The following PPARD variants were observed in gnomAD, a reference collection of about 807,000 sequenced individuals.
PPARD encodes peroxisome proliferator activated receptor delta.
PPARD carries 6 observed loss-of-function variants against 39.5 expected under a neutral mutation model. That is an observed-to-expected ratio of 0.15 (90% CI 0.08 to 0.30). The LOEUF (loss-of-function observed/expected upper bound fraction) is 0.30, where lower values mean the gene tolerates loss of function less well. Ranked by LOEUF, PPARD falls within the 10% of genes least tolerant of loss-of-function variation. PPARD has a pLI of 1.00. For missense variants in PPARD, 397 were observed against 596.8 expected (o/e 0.67, Z 3.49); for synonymous variants, 210 against 231.3 (o/e 0.91, Z 0.83).
intron 2 of PPARD, among the ~76,000 whole-genome samples, chr6:35,374,309 G>GGT (rs797006915): frequency 1.6e-5 from 2 of 125,678 alleles, no homozygotes; most frequent in African/African-American, 9.5e-5. Context: ...TCTCGGCGGT[G>GGT]GGGCGGGGGG....
chr6:35,400,126 T>C (rs1459863248), intron 2 of PPARD, among the ~76,000 whole-genome samples: 1 of 152,172 alleles, frequency 6.6e-6, no homozygotes, highest in Non-Finnish European at 1.5e-5. Flanking sequence ...CCTGGGAAGG[T>C]TGAGAAGTCT....
At chr6:35,393,182 T>C (rs1379195341) in intron 2 of PPARD, among the ~76,000 whole-genome samples, 1 of 152,134 alleles carries the variant, frequency 6.6e-6, no homozygotes, top group Non-Finnish European at 1.5e-5. Flanking sequence ...CCCTGGCTCA[T>C]GGCCACCATC....
At chr6:35,371,147 C>T (rs571801387) in intron 2 of PPARD, among the ~76,000 whole-genome samples, 5 of 152,302 alleles carry the variant, frequency 3.3e-5, no homozygotes, top group African/African-American at 1.2e-4. Context: ...ATTACTTCAG[C>T]GGTTGCCAAG....
At chr6:35,362,162 C>T (rs1582301210) in intron 2 of PPARD, among the ~76,000 whole-genome samples, 1 of 151,808 alleles carries the variant, frequency 6.6e-6, no homozygotes, top group African/African-American at 2.4e-5. Flanking sequence ...TTCTGTCTTT[C>T]GAAATGGGAT....
At chr6:35,385,787 C>T (rs1763612576) in intron 2 of PPARD, among the ~76,000 whole-genome samples, 1 of 151,916 alleles carries the variant, frequency 6.6e-6, no homozygotes, top group South Asian at 2.1e-4. Context: ...AGACAGTCAG[C>T]AGGAGAGAGG....
intron 2 of PPARD, among the ~76,000 whole-genome samples, chr6:35,389,897 C>T (rs9658105): frequency 0.02 from 3,017 of 152,242 alleles, 45 homozygotes; most frequent in Non-Finnish European, 0.032. Context: ...TTCTGAAGGG[C>T]CCTGGTGACT....
At chr6:35,404,361 G>A (rs1428690566) in intron 2 of PPARD, among the ~76,000 whole-genome samples, 1 of 152,216 alleles carries the variant, frequency 6.6e-6, no homozygotes, top group African/African-American at 2.4e-5. Context: ...AGCATGGTGT[G>A]TAATAAGTCC....
rs554801751 is a variant in PPARD at position 35,384,991 on chromosome 6, G to T, written c.-101-25996G>T. 5.5e-4 allele frequency among the ~76,000 whole-genome samples: 77 copies of T among 139,526 alleles called. 4 individuals are homozygous for T. Among genetic ancestry groups the T allele is most frequent in the African/African-American group, 2.2e-3 (73 of 33,392 alleles). 91.5% of individuals were successfully genotyped at this position (139,526 alleles called of 152,430 possible). A position where few individuals can be genotyped will look rare whatever the true frequency, so the allele number is the denominator to read the frequency against. ...GGGTCAGCCCCCCGCCGGGCCAGCC[G>T]CCCCGTCCGGGAGGGAGGTGGGAGG... On this transcript the variant is annotated intron_variant, in intron 2 of 7. Transcript: ENST00000360694.
Position 35,427,134 on chromosome 6 carries a change from T to C in PPARD, c.*1055T>C. On this transcript the variant is annotated 3_prime_UTR_variant, in exon 8 of 8. Coordinates refer to ENST00000360694, the MANE Select transcript of PPARD (RefSeq NM_006238.5). ...CCTGCCCAGTAGCAGCCGCCCACAT[T>C]GTGTCAGCATCCAGGGCCAGGGCCT... 1 of 154,280 alleles carries C rather than the reference T, an allele frequency of 6.5e-6. No homozygotes were observed. 9.6% of individuals were successfully genotyped at this position (154,280 alleles called of 1,614,324 possible). A position where few individuals can be genotyped will look rare whatever the true frequency, so the allele number is the denominator to read the frequency against.
intron 2 of PPARD, among the ~76,000 whole-genome samples, chr6:35,397,760 A>G (rs1441560411): frequency 6.6e-6 from 1 of 152,370 alleles, no homozygotes; most frequent in Non-Finnish European, 1.5e-5. Context: ...ACTCTGCCAG[A>G]TAGCCATAAG....
intron 2 of PPARD, chr6:35,348,370 A>C (rs1406342382): frequency 6.1e-6 from 6 of 985,388 alleles, no homozygotes. Context: ...CAGGGGTAGG[A>C]GGTTCTCACC....
intron 2 of PPARD, among the ~76,000 whole-genome samples, chr6:35,405,138 A>T (rs1764950797): frequency 6.6e-6 from 1 of 151,976 alleles, no homozygotes. Flanking sequence ...GCTCACTGCA[A>T]CCTCTGTCTC....
intron 2 of PPARD, among the ~76,000 whole-genome samples, chr6:35,390,136 G>T (rs1367487023): frequency 6.6e-6 from 1 of 152,100 alleles, no homozygotes; most frequent in Non-Finnish European, 1.5e-5. Flanking sequence ...GCCTTCCCTG[G>T]GAGTGCCTTT....
rs201713026 is a variant in PPARD at position 35,425,858 on chromosome 6, C to T, written c.1105C>T (p.Arg369Trp). ...CCGGCCAGGCCTCATGAACGTTCCA[C>T]GGGTGGAGGCTATCCAGGACACCAT... The part of the protein sequence containing the change: ...GDRPGLMNVP[R>W]VEAIQDTILR... The change falls in exon 8 of 8, where the codon CGG (arginine) becomes TGG (tryptophan). Residue 369 changes from arginine (R) to tryptophan (W), a missense_variant. Transcript: ENST00000360694. The surrounding 1 kb of genome is among the most constrained non-coding windows in gnomAD (Gnocchi z 4.5). 1.3e-5 allele frequency: 21 copies of T among 1,613,926 alleles called. No individual in the cohort carries two copies. Among genetic ancestry groups the T allele is most frequent in the African/African-American group, 6.7e-5 (5 of 74,902 alleles).
At chr6:35,385,148 A>T (rs1162545189) in intron 2 of PPARD, among the ~76,000 whole-genome samples, 1 of 145,582 alleles carries the variant, frequency 6.9e-6, no homozygotes, top group Admixed American at 6.7e-5. Flanking sequence ...CCAACAGCTC[A>T]TTGAGAACGG....
intron 2 of PPARD, among the ~76,000 whole-genome samples, chr6:35,390,462 G>A (rs370890014): frequency 1.3e-5 from 2 of 152,158 alleles, no homozygotes; most frequent in South Asian, 4.1e-4. Context: ...GGGTCATAAC[G>A]AAGGCTGGCC....
chr6:35,380,673 G>C (rs372067126), intron 2 of PPARD, among the ~76,000 whole-genome samples: 2 of 151,656 alleles, frequency 1.3e-5, no homozygotes, highest in African/African-American at 4.8e-5. Flanking sequence ...AAATTTTTTC[G>C]TAGAGATTGG....
intron 2 of PPARD, among the ~76,000 whole-genome samples, chr6:35,347,625 T>TTGTGAGCAA (rs1760947677): frequency 6.6e-6 from 1 of 152,058 alleles, no homozygotes; most frequent in Non-Finnish European, 1.5e-5. Context: ...TGTTTGTTTT[T>TTGTGAGCAA]GAGACGAAGT....
chr6:35,346,986 G>A (rs771598533), intron 1 of PPARD, 81 bp from the exon 2 acceptor site: 2 of 792,620 alleles, frequency 2.5e-6, no homozygotes, highest in Non-Finnish European at 4.0e-6. Flanking sequence ...TTGAGTTACG[G>A]TGGGTATAAC....
Sources: gnomAD v4.1 joint callset for allele counts (sites outside exome capture counted in the v4.1 genomes callset) on GRCh38, gnomAD v4.1.1 for gene constraint, Gnocchi (gnomAD v3.1) non-coding constraint, MANE v1.5 for transcripts, NCBI Gene and HGNC (gene_info 2026-07-23, HGNC 2026-07-21) for gene names.